BMAL2: variants seen among roughly 807,000 people sequenced by gnomAD.
BMAL2 encodes basic helix-loop-helix ARNT like 2.
At chr12:27,392,586 GGTGAACCAACACT>G in the BMAL2 span, among the ~76,000 whole-genome samples, 2 of 151,922 alleles carry the variant, frequency 1.3e-5, no homozygotes, top group African/African-American at 4.8e-5. Flanking sequence ...TTTAACCAGA[GGTGAACCAACACT>G]GTGTTGGTTC....
chr12:27,376,595 C>T, the BMAL2 span, among the ~76,000 whole-genome samples: 1 of 152,148 alleles, frequency 6.6e-6, no homozygotes, highest in Non-Finnish European at 1.5e-5. Context: ...ATGCCTTTAA[C>T]TTTCTCTTAG....
At chr12:27,383,110 G>C in the BMAL2 span, among the ~76,000 whole-genome samples, 1 of 152,254 alleles carries the variant, frequency 6.6e-6, no homozygotes, top group Non-Finnish European at 1.5e-5. Context: ...TGGTTCACAC[G>C]CATGCGTCCT....
chr12:27,370,266 C>T, the BMAL2 span: 1 of 1,501,878 alleles, frequency 6.7e-7, no homozygotes, highest in Non-Finnish European at 9.3e-7. Flanking sequence ...ACTCTCTCCC[C>T]TACTTGAAGA....
chr12:27,400,892 T>A, the BMAL2 span: 1 of 973,860 alleles, frequency 1.0e-6, no homozygotes, highest in Non-Finnish European at 1.5e-6. Flanking sequence ...GAACAGAAAA[T>A]AAAGTTTAAA....
the BMAL2 span, among the ~76,000 whole-genome samples, chr12:27,344,038 C>A: frequency 6.6e-6 from 1 of 152,142 alleles, no homozygotes; most frequent in South Asian, 2.1e-4. Context: ...GTTCTAAATG[C>A]TTTGCATGGT....
the BMAL2 span, chr12:27,368,286 A>C: frequency 6.2e-7 from 1 of 1,614,170 alleles, no homozygotes; most frequent in Non-Finnish European, 8.5e-7. Context: ...GAGGAGAACC[A>C]GTGCATTGCT....
the BMAL2 span, chr12:27,403,555 G>T: frequency 6.8e-7 from 1 of 1,470,172 alleles, no homozygotes; most frequent in Non-Finnish European, 9.4e-7. Context: ...ATGTTTTATT[G>T]CTGCAAATAT....
chr12:27,342,903 T>C, the BMAL2 span, among the ~76,000 whole-genome samples: 1 of 152,254 alleles, frequency 6.6e-6, no homozygotes, highest in Non-Finnish European at 1.5e-5. Flanking sequence ...GCTAGCACTT[T>C]TGGCTTATCA....
At chr12:27,377,145 T>C in the BMAL2 span, among the ~76,000 whole-genome samples, 1 of 152,192 alleles carries the variant, frequency 6.6e-6, no homozygotes, top group Non-Finnish European at 1.5e-5. Context: ...TCTCCACTTA[T>C]TTTGTTTTCT....
At chr12:27,400,351 TAA>T in the BMAL2 span, among the ~76,000 whole-genome samples, 1 of 152,166 alleles carries the variant, frequency 6.6e-6, no homozygotes, top group African/African-American at 2.4e-5. Flanking sequence ...CTATTAATAA[TAA>T]AGTCATGAAA....
the BMAL2 span, chr12:27,387,180 A>G: frequency 7.7e-7 from 1 of 1,296,382 alleles, no homozygotes. Flanking sequence ...GCGTGTGTAT[A>G]AGAGACAGAC....
the BMAL2 span, among the ~76,000 whole-genome samples, chr12:27,386,816 G>GACAGGGTTTCGC: frequency 6.6e-6 from 1 of 152,022 alleles, no homozygotes; most frequent in African/African-American, 2.4e-5. Context: ...TTTTTGTCAA[G>GACAGGGTTTCGC]ACAGGGTTTC....
the BMAL2 span, among the ~76,000 whole-genome samples, chr12:27,366,400 T>C: frequency 6.6e-6 from 1 of 152,206 alleles, no homozygotes; most frequent in Non-Finnish European, 1.5e-5. Context: ...GTTAAAGATG[T>C]GTTAAAAATC....
At chr12:27,385,722 A>G in the BMAL2 span, among the ~76,000 whole-genome samples, 1 of 152,076 alleles carries the variant, frequency 6.6e-6, no homozygotes, top group Admixed American at 6.5e-5. Flanking sequence ...GTAGCCATGC[A>G]TTACTAGTTT....
chr12:27,397,112 C>T, the BMAL2 span, among the ~76,000 whole-genome samples: 1 of 152,088 alleles, frequency 6.6e-6, no homozygotes, highest in African/African-American at 2.4e-5. Flanking sequence ...GCTCTGTGGT[C>T]CAGGCTGGAG....
the BMAL2 span, chr12:27,370,187 C>T: frequency 6.2e-7 from 1 of 1,614,070 alleles, no homozygotes; most frequent in African/African-American, 1.3e-5. Context: ...CCTTACCTAT[C>T]TTCTTTCAAC....
chr12:27,397,137 C>A, the BMAL2 span, among the ~76,000 whole-genome samples: 398 of 152,244 alleles, frequency 2.6e-3, no homozygotes, highest in Non-Finnish European at 4.7e-3. Context: ...GTGGCATGAT[C>A]TCGGCTCACT....
the BMAL2 span, among the ~76,000 whole-genome samples, chr12:27,407,493 A>G: frequency 6.6e-6 from 1 of 152,208 alleles, no homozygotes; most frequent in African/African-American, 2.4e-5. Flanking sequence ...CTGAATGACT[A>G]CTGGGTACAT....
the BMAL2 span, among the ~76,000 whole-genome samples, chr12:27,386,416 C>G: frequency 6.6e-6 from 1 of 152,174 alleles, no homozygotes; most frequent in Non-Finnish European, 1.5e-5. Context: ...CAGGCTGCTT[C>G]ATGGGATTTG....
Sources: gnomAD v4.1 joint callset for allele counts (sites outside exome capture counted in the v4.1 genomes callset) on GRCh38, gnomAD v4.1.1 for gene constraint, MANE v1.5 for transcripts, NCBI Gene and HGNC (gene_info 2026-07-23, HGNC 2026-07-21) for gene names.